The following TRIO variants were observed in gnomAD, a reference collection of about 807,000 sequenced individuals.
TRIO encodes trio Rho guanine nucleotide exchange factor, also known as triple functional domain protein.
In TRIO, 58 loss-of-function variants were observed where a neutral mutation model predicts 351.9. The observed-to-expected ratio is 0.16, with a 90% CI of 0.13 to 0.21. The LOEUF is 0.21. TRIO is among the 10% of genes least tolerant of loss of function. TRIO has a pLI of 1.00. For missense variants in TRIO, 3,201 were observed against 4,027.8 expected, an observed-to-expected ratio of 0.79 and a Z score of 5.56; for synonymous variants, 1,758 against 1,595.7, an observed-to-expected ratio of 1.10 and a Z score of -2.42.
chr5:14,416,158 C>T (rs1749623572), intron 33 of TRIO, among the ~76,000 whole-genome samples: 2 of 148,336 alleles, frequency 1.3e-5, no homozygotes, highest in African/African-American at 5.0e-5. Context: ...CTCTGAAAGC[C>T]AAGACCTCCG....
Position 14,390,902 on chromosome 5 carries a change from C to A in TRIO, c.4130C>A (p.Ala1377Glu). 6.3e-7 allele frequency: 1 copy of A among 1,592,196 alleles called. No individual in the cohort carries two copies. Among genetic ancestry groups the A allele is most frequent in the Non-Finnish European group, 8.5e-7 (1 of 1,173,490 alleles). Residue 1377 changes from alanine (A) to glutamate (E), a missense_variant and splice_region_variant, in exon 27 of 57, where the codon GCA (alanine) becomes GAA (glutamate). By Grantham distance (107) the Ala-to-Glu change is moderately radical. Around this residue, in one of 19 missense-constraint regions of TRIO, gnomAD observed 115 missense variants for 239.6 expected, o/e 0.48. Coordinates refer to ENST00000344204, the MANE Select transcript of TRIO (RefSeq NM_007118.4). Reference sequence around the variant, plus strand: ...GATCTTTTTTTTTTTGGCTTACAGGCAGACAAGTTTCAGATGTATGTCACA... The same window carrying A: ...GATCTTTTTTTTTTTGGCTTACAGGAAGACAAGTTTCAGATGTATGTCACA... ...EDVGHCFVTW[A>E]DKFQMYVTYC...
intron 2 of TRIO, among the ~76,000 whole-genome samples, chr5:14,275,526 C>A (rs1735413316): frequency 6.6e-6 from 1 of 151,880 alleles, no homozygotes; most frequent in South Asian, 2.1e-4. Flanking sequence ...TAAAAAAAAT[C>A]TAGTTTTTGT....
chr5:14,170,247 A>G (rs532474624), intron 1 of TRIO, among the ~76,000 whole-genome samples: 1 of 152,340 alleles, frequency 6.6e-6, no homozygotes, highest in East Asian at 1.9e-4. Flanking sequence ...GCTTTATAAT[A>G]TAGATAATAT....
At chr5:14,356,087 C>A (rs1743588103) in intron 11 of TRIO, among the ~76,000 whole-genome samples, 1 of 152,154 alleles carries the variant, frequency 6.6e-6, no homozygotes, top group African/African-American at 2.4e-5. Context: ...ATTCTTAGGA[C>A]CCTGGGTAAC....
chr5:14,200,064 C>G (rs1791009871), intron 1 of TRIO, among the ~76,000 whole-genome samples: 1 of 152,166 alleles, frequency 6.6e-6, no homozygotes, highest in Admixed American at 6.5e-5. Context: ...GGCAACTAGA[C>G]AGTGGTTCAT....
At chr5:14,173,156 G>A (rs1462455850) in intron 1 of TRIO, among the ~76,000 whole-genome samples, 3 of 146,750 alleles carry the variant, frequency 2.0e-5, no homozygotes, top group Non-Finnish European at 4.5e-5. Context: ...ATAAGTTACT[G>A]AACAGCCATC....
At chr5:14,382,540 G>A (rs1341352837) in intron 21 of TRIO, among the ~76,000 whole-genome samples, 1 of 152,164 alleles carries the variant, frequency 6.6e-6, no homozygotes, top group African/African-American at 2.4e-5. Flanking sequence ...GAGCACTGGG[G>A]GAGGGCAGGG....
intron 34 of TRIO, among the ~76,000 whole-genome samples, chr5:14,426,170 A>G (rs922025873): frequency 6.6e-6 from 1 of 152,158 alleles, no homozygotes; most frequent in African/African-American, 2.4e-5. Context: ...TGGTCAGAGA[A>G]TAAAATTCAG....
chr5:14,399,190 A>T, intron 30 of TRIO, 120 bp downstream of exon 30: 1 of 965,906 alleles, frequency 1.0e-6, no homozygotes, highest in Non-Finnish European at 1.6e-6. Flanking sequence ...GAAATGTTCA[A>T]GTCTGAATTG....
At chr5:14,485,316 TC>T in intron 47 of TRIO, 70 bp downstream of exon 47, 1 of 1,446,614 alleles carries the variant, frequency 6.9e-7, no homozygotes, top group Non-Finnish European at 9.3e-7. Context: ...ATCTTCCCTC[TC>T]CCATTCATAT....
intron 18 of TRIO, among the ~76,000 whole-genome samples, chr5:14,373,025 C>T (rs1039809320): frequency 1.3e-5 from 2 of 152,134 alleles, no homozygotes; most frequent in African/African-American, 2.4e-5. Flanking sequence ...CTTCACATGG[C>T]GCGGGAAGTA....
At chr5:14,317,128 C>T (rs552219247) in intron 9 of TRIO, among the ~76,000 whole-genome samples, 1 of 152,268 alleles carries the variant, frequency 6.6e-6, no homozygotes, top group South Asian at 2.1e-4. Context: ...TCACTTCCCA[C>T]GTGGTAGGTA....
intron 1 of TRIO, among the ~76,000 whole-genome samples, chr5:14,187,673 A>G (rs1459447395): frequency 2.0e-5 from 3 of 152,274 alleles, no homozygotes; most frequent in Non-Finnish European, 2.9e-5. Flanking sequence ...TTTTAAGTAG[A>G]TGCCACATAA....
At chr5:14,267,307 C>G (rs1795741844) in intron 1 of TRIO, among the ~76,000 whole-genome samples, 1 of 152,042 alleles carries the variant, frequency 6.6e-6, no homozygotes, top group Admixed American at 6.5e-5. Context: ...TTGCTGACGC[C>G]TGGTCTTTGG....
intron 11 of TRIO, among the ~76,000 whole-genome samples, chr5:14,350,035 G>T (rs747255798): frequency 1.3e-5 from 2 of 152,168 alleles, no homozygotes; most frequent in Non-Finnish European, 2.9e-5. Context: ...CTCTGTCTAT[G>T]TTGTTGCAAA....
intron 11 of TRIO, among the ~76,000 whole-genome samples, chr5:14,349,392 C>G (rs879780378): frequency 2.0e-5 from 3 of 152,226 alleles, no homozygotes; most frequent in Non-Finnish European, 4.4e-5. Flanking sequence ...GTGTTTTACC[C>G]TATTATTCCA....
At chr5:14,149,455 C>CTCTTTTCTGTCCCCTCTCCACA (rs1787699572) in intron 1 of TRIO, among the ~76,000 whole-genome samples, 2 of 152,194 alleles carry the variant, frequency 1.3e-5, no homozygotes, top group South Asian at 4.1e-4. Flanking sequence ...CCTTAATTTC[C>CTCTTTTCTGTCCCCTCTCCACA]TCTTTTCTGT....
chr5:14,487,650 T>C lies in TRIO; in HGVS notation c.7022T>C (p.Ile2341Thr). Residue 2341 changes from isoleucine to threonine, a missense_variant, in exon 48 of 57, where the codon ATC becomes ACC. Transcript: ENST00000344204. ...ACGAGCAGGAGCCGGCCCTCCCGGATCCCCCAGCCTGTCCGACACCACCCC... is the reference window on the plus strand; with the variant it reads ...ACGAGCAGGAGCCGGCCCTCCCGGACCCCCCAGCCTGTCCGACACCACCCC... ...PSTSRSRPSR[I>T]PQPVRHHPPV... The C allele has an allele frequency of 7.9e-7, 1 of 1,272,858 alleles. No homozygotes were observed. 78.8% of individuals were successfully genotyped at this position (1,272,858 alleles called of 1,614,324 possible).
intron 34 of TRIO, among the ~76,000 whole-genome samples, chr5:14,446,738 A>T (rs1752470600): frequency 6.6e-6 from 1 of 152,146 alleles, no homozygotes; most frequent in African/African-American, 2.4e-5. Flanking sequence ...TTGTAAAAGG[A>T]ATTCCTAATT....
Sources: gnomAD v4.1 joint callset for allele counts (sites outside exome capture counted in the v4.1 genomes callset) on GRCh38, gnomAD v4.1.1 for gene constraint, gnomAD v4.1.1 regional missense constraint, MANE v1.5 for transcripts, NCBI Gene and HGNC (gene_info 2026-07-23, HGNC 2026-07-21) for gene names.